The following GRIK1 variants were observed in gnomAD, a reference collection of about 807,000 sequenced individuals.
The protein encoded by GRIK1 is glutamate receptor ionotropic, kainate 1.
Under a neutral mutation model 105.7 loss-of-function variants are expected in GRIK1, and 69 were observed. That is an observed-to-expected ratio of 0.65 (90% CI 0.54 to 0.80). The LOEUF is 0.80. Ranked by LOEUF, GRIK1 falls within the 30% of genes least tolerant of loss-of-function variation. GRIK1 has a pLI of 0.00. For synonymous variants in GRIK1, 438 were observed against 431.3 expected (o/e 1.02, Z -0.19); for missense variants, 1,109 against 1,167.3 (o/e 0.95, Z 0.73).
chr21:29,904,237 G>A (rs1348537715), intron 1 of GRIK1, among the ~76,000 whole-genome samples: 3 of 151,594 alleles, frequency 2.0e-5, no homozygotes, highest in Admixed American at 6.6e-5. Flanking sequence ...AAAACTGCAC[G>A]TTCTGCACAT....
intron 1 of GRIK1, among the ~76,000 whole-genome samples, chr21:29,718,356 A>C (rs961126420): frequency 6.6e-6 from 1 of 152,162 alleles, no homozygotes; most frequent in Non-Finnish European, 1.5e-5. Flanking sequence ...GTTTTCATTT[A>C]TTATTTATCC....
intron 16 of GRIK1, among the ~76,000 whole-genome samples, chr21:29,538,955 G>C (rs2089926268): frequency 2.0e-5 from 3 of 152,100 alleles, no homozygotes; most frequent in Non-Finnish European, 4.4e-5. Context: ...TGGCCTATCA[G>C]ATGTATGTCT....
At chr21:29,617,927 T>C (rs1195475798) in intron 7 of GRIK1, among the ~76,000 whole-genome samples, 1 of 152,240 alleles carries the variant, frequency 6.6e-6, no homozygotes, top group East Asian at 1.9e-4. Flanking sequence ...CTCATTTGCA[T>C]TTGCATATCC....
chr21:29,602,008 A>G (rs971955326), intron 7 of GRIK1, among the ~76,000 whole-genome samples: 2 of 152,200 alleles, frequency 1.3e-5, no homozygotes, highest in Non-Finnish European at 2.9e-5. Context: ...TCAACTCATA[A>G]TTCCATCTAA....
At chr21:29,903,376 C>A (rs937824230) in intron 1 of GRIK1, among the ~76,000 whole-genome samples, 1 of 152,124 alleles carries the variant, frequency 6.6e-6, no homozygotes, top group Non-Finnish European at 1.5e-5. Flanking sequence ...TTTTTTCAAT[C>A]TATCCATCTG....
At position 29,819,494 on chromosome 21, in the gene GRIK1, T is replaced by A. The variant is rs151303738; in HGVS notation, c.118+119889A>T. Among the ~76,000 whole-genome samples, 272 of 152,094 alleles carry A rather than the reference T, an allele frequency of 1.8e-3. 2 individuals carry two copies. The highest frequency in any genetic ancestry group is 8.1e-3 in the South Asian group (39 of 4,814). ...GCTTGTGTGTCTGTGTGTGTGTGTG[T>A]GAGAGAGAAAGAGACTTTAGATTTT... On this transcript the variant is annotated intron_variant, in intron 1 of 17. Coordinates refer to ENST00000327783, the MANE Select transcript of GRIK1 (RefSeq NM_001330994.2).
chr21:29,822,062 GT>G (rs1008462820), intron 1 of GRIK1, among the ~76,000 whole-genome samples: 3 of 151,986 alleles, frequency 2.0e-5, no homozygotes, highest in Admixed American at 6.6e-5. Flanking sequence ...AGGGGAGGTA[GT>G]TTTTAAAATT....
At chr21:29,840,792 A>G (rs755901632) in intron 1 of GRIK1, among the ~76,000 whole-genome samples, 4 of 152,174 alleles carry the variant, frequency 2.6e-5, no homozygotes, top group Non-Finnish European at 4.4e-5. Flanking sequence ...AGAAAGCTTA[A>G]GGCTGAATCC....
At position 29,695,468 on chromosome 21, in the gene GRIK1, CTATCTATCTATA is replaced by C. The variant is rs1344805350; in HGVS notation, c.119-1417_119-1406del. On this transcript the variant is annotated intron_variant, in intron 1 of 17. Transcript: ENST00000327783. ...TCTATCTATCTATCTATCTATCTAT[CTATCTATCTATA>C]TATATATATTTTGAGATGGAGTCTT... 3.3e-3 allele frequency among the ~76,000 whole-genome samples: 476 copies of C among 144,750 alleles called. 3 individuals are homozygous for C. Among genetic ancestry groups the C allele is most frequent in the African/African-American group, 0.012 (466 of 39,648 alleles). The allele number at this position is 144,750 out of a possible 152,430, so 95.0% of individuals were successfully genotyped here. A position where few individuals can be genotyped will look rare whatever the true frequency, so the allele number is the denominator to read the frequency against.
intron 4 of GRIK1, among the ~76,000 whole-genome samples, chr21:29,672,656 A>C (rs777994334): frequency 6.6e-6 from 1 of 152,016 alleles, no homozygotes; most frequent in Non-Finnish European, 1.5e-5. Context: ...TCTTTTCAAG[A>C]GACATAAGAG....
rs1467353063 is a variant in GRIK1 at position 29,759,177 on chromosome 21, A to G, written c.119-65114T>C. Among the ~76,000 whole-genome samples, 10 of 149,200 alleles carry G rather than the reference A, an allele frequency of 6.7e-5. No homozygotes were observed. The East Asian group carries it at 2.0e-3, about 29-fold the overall frequency. The stretch of plus-strand genomic sequence containing the variant: ...TCTGCCCCCAGACCAGAGTGCAGTG[A>G]CACAATCTTGGCTCACTGTAAGCTC... On this transcript the variant is annotated intron_variant, in intron 1 of 17. Transcript: ENST00000327783.
intron 4 of GRIK1, among the ~76,000 whole-genome samples, chr21:29,661,883 G>T (rs1001961476): frequency 6.6e-6 from 1 of 152,122 alleles, no homozygotes; most frequent in Non-Finnish European, 1.5e-5. Context: ...TCACTTACAC[G>T]TGTTAACCAC....
chr21:29,873,913 C>T (rs761775814), intron 1 of GRIK1, among the ~76,000 whole-genome samples: 1 of 152,100 alleles, frequency 6.6e-6, no homozygotes, highest in African/African-American at 2.4e-5. Context: ...TGAAACTGTT[C>T]CACCTCAGAC....
chr21:29,671,222 A>G (rs1160201668), intron 4 of GRIK1, among the ~76,000 whole-genome samples: 1 of 151,982 alleles, frequency 6.6e-6, no homozygotes, highest in Non-Finnish European at 1.5e-5. Flanking sequence ...TCCCAGGTTC[A>G]AGTGATTCTC....
At chr21:29,878,768 A>G (rs866492410) in intron 1 of GRIK1, among the ~76,000 whole-genome samples, 2 of 152,200 alleles carry the variant, frequency 1.3e-5, no homozygotes, top group Middle Eastern at 3.4e-3. Context: ...CAAAGCACGA[A>G]GTGGACCCTC....
At chr21:29,893,416 C>T (rs1314707073) in intron 1 of GRIK1, among the ~76,000 whole-genome samples, 1 of 152,196 alleles carries the variant, frequency 6.6e-6, no homozygotes, top group Non-Finnish European at 1.5e-5. Flanking sequence ...TGGAGCCAGA[C>T]TGCTTGGGTT....
chr21:29,625,994 C>G (rs1291507573), intron 7 of GRIK1, among the ~76,000 whole-genome samples: 1 of 152,040 alleles, frequency 6.6e-6, no homozygotes, highest in African/African-American at 2.4e-5. Context: ...GAGACAGGGC[C>G]TTTATAGAGG....
intron 3 of GRIK1, among the ~76,000 whole-genome samples, chr21:29,677,333 C>A (rs1252790832): frequency 1.3e-5 from 2 of 152,170 alleles, no homozygotes; most frequent in Non-Finnish European, 2.9e-5. Flanking sequence ...CCACTTCTAT[C>A]CCCAAGAATG....
intron 9 of GRIK1, among the ~76,000 whole-genome samples, chr21:29,594,024 G>T (rs1050173306): frequency 4.6e-5 from 7 of 152,042 alleles, no homozygotes; most frequent in African/African-American, 1.4e-4. Flanking sequence ...TTCCCCTATT[G>T]TCTCTACAGA....
Sources: gnomAD v4.1 joint callset for allele counts (sites outside exome capture counted in the v4.1 genomes callset) on GRCh38, gnomAD v4.1.1 for gene constraint, MANE v1.5 for transcripts, NCBI Gene and HGNC (gene_info 2026-07-23, HGNC 2026-07-21) for gene names.